LSMEM2: variants seen among roughly 807,000 people sequenced by gnomAD.
The protein encoded by LSMEM2 is leucine-rich single-pass membrane protein 2.
A neutral mutation model predicts 17.3 loss-of-function variants in LSMEM2; 20 were observed. The ratio of observed to expected loss-of-function variants is 1.16; its 90% CI spans 0.81 to 1.68. LSMEM2 has a LOEUF of 1.68. LSMEM2 is among the 40% of genes most tolerant of loss of function. The pLI is 0.00. For missense variants in LSMEM2, 207 were observed against 214.3 expected (o/e 0.97, Z 0.21); for synonymous variants, 94 against 97.8 (o/e 0.96, Z 0.23).
In LSMEM2 at chr3:50,286,847, G is replaced by A. The variant is rs1701556174; in HGVS notation, c.346G>A (p.Ala116Thr). 9 of 1,613,656 alleles carry A rather than the reference G, an allele frequency of 5.6e-6. 1 individual carries two copies. Among genetic ancestry groups the A allele is most frequent in the South Asian group, 2.2e-5 (2 of 91,080 alleles). Residue 116 changes from alanine to threonine, a missense_variant, in exon 3 of 4, where the codon GCT becomes ACT. By Grantham distance (58) the Ala-to-Thr change is moderately conservative. Transcript: ENST00000316436. ...CACTTGCCTAGTGCTCGCACTCCTGGCTGTCTACCTGAGCGGTATGGACGC... is the reference window on the plus strand; with the variant it reads ...CACTTGCCTAGTGCTCGCACTCCTGACTGTCTACCTGAGCGGTATGGACGC... ...VLTCLVLALL[A>T]VYLSVLQSES...
chr3:50,286,577 T>C lies in LSMEM2; in HGVS notation c.165T>C (p.His55=), dbSNP rs782407073. The change falls in exon 2 of 4, where the codon CAT becomes CAC. Residue 55 remains histidine (H), a synonymous_variant. Transcript: ENST00000316436. ...LHQVESISDL[H]SGAGTLRPYL... ...AGGTGGAGTCCATCAGCGACCTACA[T>C]AGTGGAGGTGAGTGGGGACAGTGGG... 6.2e-7 allele frequency: 1 copy of C among 1,612,154 alleles called. No homozygotes were observed. Among genetic ancestry groups the C allele is most frequent in the Admixed American group, 1.7e-5 (1 of 59,674 alleles).
At chr3:50,283,241 C>T (rs1253612836) in intron 1 of LSMEM2, among the ~76,000 whole-genome samples, 3 of 152,108 alleles carry the variant, frequency 2.0e-5, no homozygotes, top group Admixed American at 2.0e-4. Context: ...CCTATAATCC[C>T]AGCACTTTGG....
At chr3:50,278,325 T>A (rs1559794488), upstream of LSMEM2, among the ~76,000 whole-genome samples, 1 of 152,208 alleles carries the variant, frequency 6.6e-6, no homozygotes. Flanking sequence ...TGCGCATCCT[T>A]ACACAACCTT....
chr3:50,286,417 G>A, intron 1 of LSMEM2, 54 bp from the exon 2 acceptor site: 1 of 1,524,628 alleles, frequency 6.6e-7, no homozygotes, highest in Non-Finnish European at 8.8e-7. Flanking sequence ...CCACCTGGTA[G>A]AAGGAAGGGG....
At chr3:50,282,019 A>AT (rs1453382691) in intron 1 of LSMEM2, among the ~76,000 whole-genome samples, 1 of 151,142 alleles carries the variant, frequency 6.6e-6, no homozygotes, top group East Asian at 2.0e-4. Context: ...TGCCCGGCTA[A>AT]TTTTTTGTAT....
At chr3:50,284,451 C>A (rs1175959145) in intron 1 of LSMEM2, among the ~76,000 whole-genome samples, 1 of 151,512 alleles carries the variant, frequency 6.6e-6, no homozygotes, top group Admixed American at 6.6e-5. Flanking sequence ...AAAATCAGGC[C>A]GGGCATGGTG....
In LSMEM2 at chr3:50,286,804, G is replaced by A; in HGVS notation, c.303G>A (p.Leu101=). ...ACAGACGAGGAGGGTTCCTGCTGCT[G>A]CTCGCGCTGCTGGTGCTCACTTGCC... ...PVYRRGGFLL[L]LALLVLTCLV... is the part of the protein sequence containing the mutation. The change falls in exon 3 of 4, where the codon CTG becomes CTA. Residue 101 remains leucine (L), a synonymous_variant. Coordinates refer to ENST00000316436, the MANE Select transcript of LSMEM2 (RefSeq NM_153215.3). The A allele has an allele frequency of 3.1e-6, 5 of 1,614,088 alleles. No homozygotes were observed. The highest frequency in any genetic ancestry group is 4.2e-6 in the Non-Finnish European group (5 of 1,180,036).
intron 1 of LSMEM2, among the ~76,000 whole-genome samples, chr3:50,286,030 C>T (rs1701512764): frequency 6.6e-6 from 1 of 152,210 alleles, no homozygotes; most frequent in Non-Finnish European, 1.5e-5. Context: ...AGTATGTTAA[C>T]AAACACAGAA....
chr3:50,282,348 T>G (rs1701421304), intron 1 of LSMEM2, among the ~76,000 whole-genome samples: 1 of 152,138 alleles, frequency 6.6e-6, no homozygotes, highest in South Asian at 2.1e-4. Context: ...CTGGCAGCAC[T>G]TGCTTGTTTT....
In LSMEM2 at chr3:50,282,257, G is replaced by A. The variant is rs189895224; in HGVS notation, c.58+3086G>A. On this transcript the variant is annotated intron_variant, in intron 1 of 3. Coordinates refer to ENST00000316436, the MANE Select transcript of LSMEM2 (RefSeq NM_153215.3). Reference sequence around the variant, plus strand: ...TCCTGCCTTGGCCTCCCAAAGTGCTGGGATTACAGGCATGAGCCACAGTGC... The same window carrying A: ...TCCTGCCTTGGCCTCCCAAAGTGCTAGGATTACAGGCATGAGCCACAGTGC... Among the ~76,000 whole-genome samples, 73 of 152,262 alleles carry A rather than the reference G, an allele frequency of 4.8e-4. 1 individual carries two copies. In the East Asian group the frequency reaches 0.012, roughly 25 times the overall value.
intron 1 of LSMEM2, among the ~76,000 whole-genome samples, chr3:50,282,613 G>A (rs1001865021): frequency 3.3e-5 from 5 of 152,292 alleles, no homozygotes; most frequent in East Asian, 3.9e-4. Context: ...GGCCAGGTAC[G>A]GTGGCTCATG....
chr3:50,278,495 C>A (rs1701322942), upstream of LSMEM2, among the ~76,000 whole-genome samples: 1 of 152,134 alleles, frequency 6.6e-6, no homozygotes, highest in African/African-American at 2.4e-5. Flanking sequence ...GAGGGGAGAC[C>A]CTTTACCTAA....
At chr3:50,281,385 C>T (rs1159286313) in intron 1 of LSMEM2, among the ~76,000 whole-genome samples, 4 of 99,706 alleles carry the variant, frequency 4.0e-5, no homozygotes, top group South Asian at 6.5e-4. Flanking sequence ...TTTTCTGAGA[C>T]GGAGTCTTGC....
rs1701587471 is a variant in LSMEM2, at chr3:50,287,894, G to T, written c.*692G>T. ...GAGTGGGTCATCCTGGGGGAGCAAG[G>T]CCTGAGAAAGGAAAGGAAGGGAAAG... On this transcript the variant is annotated 3_prime_UTR_variant, in exon 4 of 4. Transcript: ENST00000316436. The T allele has an allele frequency of 2.5e-6, 1 of 399,732 alleles. No homozygotes were observed. Among genetic ancestry groups the T allele is most frequent in the East Asian group, 4.7e-5 (1 of 21,416 alleles). The allele number at this position is 399,732 out of a possible 1,614,324, so 24.8% of individuals were successfully genotyped here.
At chr3:50,278,635 C>T (rs1701326580), upstream of LSMEM2, among the ~76,000 whole-genome samples, 1 of 152,206 alleles carries the variant, frequency 6.6e-6, no homozygotes, top group Non-Finnish European at 1.5e-5. Context: ...ATTCAGTTGT[C>T]CATCACCCTC....
intron 1 of LSMEM2, among the ~76,000 whole-genome samples, chr3:50,282,847 G>C (rs1701431578): frequency 6.6e-6 from 1 of 151,216 alleles, no homozygotes; most frequent in Non-Finnish European, 1.5e-5. Context: ...TCATGCCACT[G>C]TACTCCAGTC....
chr3:50,287,763 AATT>A lies in LSMEM2; in HGVS notation c.*564_*566del. The A allele has an allele frequency of 9.1e-6, 2 of 219,936 alleles. No homozygotes were observed. Among genetic ancestry groups the A allele is most frequent in the South Asian group, 1.6e-4 (2 of 12,816 alleles). 13.6% of individuals were successfully genotyped at this position (219,936 alleles called of 1,614,324 possible). A position where few individuals can be genotyped will look rare whatever the true frequency, so the allele number is the denominator to read the frequency against. ...CCACAGAAGGCTGACCGTTCTGTTT[AATT>A]ATCTGTAATAATCCTTAAAAATCAG... On this transcript the variant is annotated 3_prime_UTR_variant, in exon 4 of 4. Coordinates refer to ENST00000316436, the MANE Select transcript of LSMEM2 (RefSeq NM_153215.3).
chr3:50,287,804 T>C lies in LSMEM2; in HGVS notation c.*602T>C. 2 of 250,982 alleles carry C rather than the reference T, an allele frequency of 8.0e-6. No individual in the cohort carries two copies. Among genetic ancestry groups the C allele is most frequent in the South Asian group, 6.2e-5 (1 of 16,238 alleles). 15.5% of individuals were successfully genotyped at this position (250,982 alleles called of 1,614,324 possible). Reference sequence around the variant, plus strand: ...CCTTAAAAATCAGCACACAAATCCATTCCAGGTAGCTTTGCCACCCCACCT... The same window carrying C: ...CCTTAAAAATCAGCACACAAATCCACTCCAGGTAGCTTTGCCACCCCACCT... On this transcript the variant is annotated 3_prime_UTR_variant, in exon 4 of 4. Transcript: ENST00000316436.
chr3:50,284,388 C>T (rs1439654445), intron 1 of LSMEM2, among the ~76,000 whole-genome samples: 9 of 151,682 alleles, frequency 5.9e-5, no homozygotes, highest in African/African-American at 1.2e-4. Flanking sequence ...TTATACCCTG[C>T]GGGGGAGCTG....
Sources: gnomAD v4.1 joint callset for allele counts (sites outside exome capture counted in the v4.1 genomes callset) on GRCh38, gnomAD v4.1.1 for gene constraint, MANE v1.5 for transcripts, NCBI Gene and HGNC (gene_info 2026-07-23, HGNC 2026-07-21) for gene names.